The following ADGRA1 variants were observed in gnomAD, a reference collection of about 807,000 sequenced individuals.
The protein encoded by ADGRA1 is G-protein coupled receptor 123.
A neutral mutation model predicts 21.3 loss-of-function variants in ADGRA1; 12 were observed. The ratio of observed to expected loss-of-function variants is 0.56; its 90% CI spans 0.36 to 0.91. The LOEUF is 0.91. Ranked by LOEUF, ADGRA1 falls within the 40% of genes least tolerant of loss-of-function variation. ADGRA1 has a pLI of 0.01. For synonymous variants in ADGRA1, 385 were observed against 368.8 expected, an observed-to-expected ratio of 1.04 and a Z score of -0.50; for missense variants, 790 against 805.6, an observed-to-expected ratio of 0.98 and a Z score of 0.23.
intron 5 of ADGRA1, among the ~76,000 whole-genome samples, chr10:133,126,761 G>A (rs566164042): frequency 1.5e-4 from 23 of 152,298 alleles, no homozygotes; most frequent in Admixed American, 3.9e-4. Context: ...TCGGCCCTCC[G>A]ACCTTCTTCC....
intron 5 of ADGRA1, among the ~76,000 whole-genome samples, chr10:133,116,677 T>C (rs1035008187): frequency 2.6e-5 from 4 of 152,096 alleles, no homozygotes; most frequent in African/African-American, 7.2e-5. Flanking sequence ...AGGGCCCCCC[T>C]TCCTCAGTGG....
At chr10:133,108,903 C>T (rs1851939169) in intron 5 of ADGRA1, among the ~76,000 whole-genome samples, 1 of 147,418 alleles carries the variant, frequency 6.8e-6, no homozygotes. Flanking sequence ...TCCACCCCTC[C>T]CCTCATGTCC....
intron 5 of ADGRA1, among the ~76,000 whole-genome samples, chr10:133,103,486 C>T (rs1851836465): frequency 6.6e-6 from 1 of 152,228 alleles, no homozygotes; most frequent in South Asian, 2.1e-4. Flanking sequence ...CCTCCCCCGC[C>T]GCCCCGGCGG....
chr10:133,119,550 G>C (rs1852219046), intron 5 of ADGRA1, among the ~76,000 whole-genome samples: 1 of 152,176 alleles, frequency 6.6e-6, no homozygotes, highest in African/African-American at 2.4e-5. Context: ...CCACGGCTTG[G>C]TCAACTCAGT....
chr10:133,116,146 GC>G (rs1852154023), intron 5 of ADGRA1, among the ~76,000 whole-genome samples: 1 of 152,066 alleles, frequency 6.6e-6, no homozygotes, highest in South Asian at 2.1e-4. Context: ...CAGGCCCCTT[GC>G]CCCCCTACCC....
intron 5 of ADGRA1, among the ~76,000 whole-genome samples, chr10:133,124,869 T>A (rs1197245668): frequency 6.6e-6 from 1 of 152,180 alleles, no homozygotes; most frequent in African/African-American, 2.4e-5. Context: ...CGCCTGCACG[T>A]CCACGGCGGT....
intron 5 of ADGRA1, among the ~76,000 whole-genome samples, chr10:133,108,079 G>A (rs953667471): frequency 3.3e-5 from 5 of 152,270 alleles, no homozygotes; most frequent in Non-Finnish European, 5.9e-5. Flanking sequence ...GGAGTGGAGT[G>A]GATGTGGGCA....
At chr10:133,091,559 A>C (rs2135862406) in intron 2 of ADGRA1, among the ~76,000 whole-genome samples, 1 of 152,322 alleles carries the variant, frequency 6.6e-6, no homozygotes, top group South Asian at 2.1e-4. Context: ...GTCATCTGTG[A>C]GCTGCCAGCT....
rs917874329 is a variant in ADGRA1 at position 133,131,214 on chromosome 10, G to A, written c.*1703G>A. ...TCCCGGGGTGTCGGTAAACTTGACCGTGACTCAGTAACCCACAGCGTGCTC... is the reference window on the plus strand; with the variant it reads ...TCCCGGGGTGTCGGTAAACTTGACCATGACTCAGTAACCCACAGCGTGCTC... On this transcript the variant is annotated 3_prime_UTR_variant, in exon 7 of 7. Transcript: ENST00000392607. 1.3e-5 allele frequency: 2 copies of A among 152,192 alleles called. No individual in the cohort carries two copies. The highest frequency in any genetic ancestry group is 1.9e-4 in the East Asian group (1 of 5,194). 9.4% of individuals were successfully genotyped at this position (152,192 alleles called of 1,614,324 possible).
intron 3 of ADGRA1, among the ~76,000 whole-genome samples, chr10:133,097,993 A>G (rs1014489447): frequency 6.6e-6 from 1 of 152,136 alleles, no homozygotes; most frequent in African/African-American, 2.4e-5. Context: ...GTGCCGTCCT[A>G]CCAACTCGGG....
At chr10:133,091,029 T>C (rs1360406150) in intron 2 of ADGRA1, among the ~76,000 whole-genome samples, 6 of 152,242 alleles carry the variant, frequency 3.9e-5, no homozygotes, top group African/African-American at 1.2e-4. Flanking sequence ...CCGTCACCAC[T>C]GTTAACGAGC....
chr10:133,095,170 C>G (rs1384497147), intron 2 of ADGRA1, among the ~76,000 whole-genome samples: 1 of 152,144 alleles, frequency 6.6e-6, no homozygotes, highest in East Asian at 1.9e-4. Flanking sequence ...AGCTGGAGCT[C>G]GGACCGGACA....
chr10:133,092,743 T>TAGGG (rs767516089), intron 2 of ADGRA1, among the ~76,000 whole-genome samples: 1 of 110,610 alleles, frequency 9.0e-6, no homozygotes, highest in Non-Finnish European at 1.8e-5. Flanking sequence ...GAAGGAGAAA[T>TAGGG]AGGGAGGGAG....
At chr10:133,103,492 G>T (rs988722006) in intron 5 of ADGRA1, among the ~76,000 whole-genome samples, 1 of 152,210 alleles carries the variant, frequency 6.6e-6, no homozygotes, top group African/African-American at 2.4e-5. Context: ...CCGCCGCCCC[G>T]GCGGCCTGCA....
intron 2 of ADGRA1, among the ~76,000 whole-genome samples, chr10:133,094,076 C>G (rs1007796825): frequency 6.6e-6 from 1 of 152,284 alleles, no homozygotes; most frequent in African/African-American, 2.4e-5. Context: ...CCAGCTCACG[C>G]GGCAGCTCCA....
At chr10:133,115,136 C>T (rs1054192304) in intron 5 of ADGRA1, among the ~76,000 whole-genome samples, 9 of 152,132 alleles carry the variant, frequency 5.9e-5, no homozygotes, top group Admixed American at 2.6e-4. Flanking sequence ...CAGATTTCAG[C>T]GGTGCACCTG....
In ADGRA1 at chr10:133,128,825, G is replaced by A; in HGVS notation, c.997G>A (p.Ala333Thr). 7 of 1,602,016 alleles carry A rather than the reference G, an allele frequency of 4.4e-6. No individual in the cohort carries two copies. The highest frequency in any genetic ancestry group is 1.3e-5 in the African/African-American group (1 of 74,660). ...CAAGGACGCCCACCCCGCACTTGAC[G>A]CCAACGGGGCCGCGCTGGGCCGCGC... is the stretch of plus-strand genomic sequence containing the variant. ...PRKDAHPALDANGAALGRAAC... is the reference protein window; with the variant it reads ...PRKDAHPALDTNGAALGRAAC... Residue 333 changes from alanine to threonine, a missense_variant, in exon 7 of 7, where the codon GCC becomes ACC. This residue lies in a region of ADGRA1 where 391 missense variants were observed against 351.5 expected (regional missense o/e 1.11). Transcript: ENST00000392607.
chr10:133,093,374 AGAG>A (rs1851636194), intron 2 of ADGRA1: 2 of 1,239,700 alleles, frequency 1.6e-6, no homozygotes, highest in African/African-American at 1.5e-5. Context: ...AACACACCAA[AGAG>A]GAGACCTCCA....
intron 5 of ADGRA1, among the ~76,000 whole-genome samples, chr10:133,125,327 TTAAG>T (rs1396573682): frequency 2.0e-5 from 3 of 152,252 alleles, no homozygotes; most frequent in Non-Finnish European, 4.4e-5. Flanking sequence ...TTTTACCACT[TTAAG>T]TGATTGTTTT....
Sources: allele counts gnomAD v4.1 joint callset (sites outside exome capture counted in the v4.1 genomes callset), GRCh38; gene constraint gnomAD v4.1.1; regional missense constraint gnomAD v4.1.1; transcripts MANE v1.5; gene names NCBI Gene and HGNC (gene_info 2026-07-23, HGNC 2026-07-21).